Variants in MKX observed in about 807,000 individuals in gnomAD.
MKX encodes mohawk homeobox, also known as homeobox protein Mohawk.
A neutral mutation model predicts 36.0 loss-of-function variants in MKX; 13 were observed. That is an observed-to-expected ratio of 0.36 (90% confidence interval 0.24 to 0.57). The LOEUF is 0.57. Among genes scored for constraint, MKX ranks in the 20% least tolerant of loss-of-function variants. MKX has a pLI of 0.79. For missense variants in MKX, 458 were observed against 456.4 expected, an observed-to-expected ratio of 1.00 and a Z score of -0.03; for synonymous variants, 176 against 178.3, an observed-to-expected ratio of 0.99 and a Z score of 0.10.
intron 5 of MKX, among the ~76,000 whole-genome samples, chr10:27,722,489 C>T (rs904531031): frequency 1.3e-5 from 2 of 152,232 alleles, no homozygotes; most frequent in African/African-American, 4.8e-5. Context: ...CTTCGTTTTA[C>T]AGCTAAAGGA....
chr10:27,699,590 T>A (rs1836616730), intron 5 of MKX, among the ~76,000 whole-genome samples: 2 of 152,162 alleles, frequency 1.3e-5, no homozygotes, highest in South Asian at 4.1e-4. Context: ...GACAAAAAAT[T>A]GTTTTTAAAA....
chr10:27,685,471 C>T (rs1438872311), intron 5 of MKX, among the ~76,000 whole-genome samples: 6 of 128,558 alleles, frequency 4.7e-5, no homozygotes, highest in South Asian at 5.0e-4. Flanking sequence ...TTTTTTGAGA[C>T]GGAGTCCCGC....
intron 5 of MKX, among the ~76,000 whole-genome samples, chr10:27,732,188 A>T (rs923240520): frequency 1.8e-4 from 27 of 152,196 alleles, no homozygotes; most frequent in East Asian, 7.7e-4. Flanking sequence ...CATTTTTTTT[A>T]AAATTGATAC....
At chr10:27,691,470 T>C (rs932636556) in intron 5 of MKX, among the ~76,000 whole-genome samples, 3 of 152,162 alleles carry the variant, frequency 2.0e-5, no homozygotes, top group Admixed American at 2.0e-4. Flanking sequence ...AATATATATA[T>C]ATTATTGGAT....
chr10:27,738,470 T>C (rs1834825187), intron 3 of MKX, among the ~76,000 whole-genome samples: 1 of 152,032 alleles, frequency 6.6e-6, no homozygotes, highest in African/African-American at 2.4e-5. Flanking sequence ...CAGGTCTCCT[T>C]AACCAAGGAT....
chr10:27,729,634 C>T (rs568101006), intron 5 of MKX, among the ~76,000 whole-genome samples: 2 of 152,170 alleles, frequency 1.3e-5, no homozygotes, highest in Admixed American at 1.3e-4. Context: ...AACTGATCAT[C>T]TGTGATCTGT....
intron 5 of MKX, among the ~76,000 whole-genome samples, chr10:27,683,722 G>A (rs1469602099): frequency 6.6e-6 from 1 of 152,196 alleles, no homozygotes; most frequent in Non-Finnish European, 1.5e-5. Context: ...AGAGCCTCTG[G>A]GGATACCAGA....
intron 5 of MKX, among the ~76,000 whole-genome samples, chr10:27,709,855 C>G (rs1836822452): frequency 6.6e-6 from 1 of 152,082 alleles, no homozygotes; most frequent in Admixed American, 6.5e-5. Flanking sequence ...CCACATAAGT[C>G]ATTTAACATG....
chr10:27,735,205 A>G lies in MKX; in HGVS notation c.502+16T>C. ...AGAGGCAAAACAAAGAAAGCAAAAT[A>G]AAAATATTAACAAACCTTCAGAACA... On this transcript the variant is annotated intron_variant, in intron 4 of 6. Coordinates refer to ENST00000419761, the MANE Select transcript of MKX (RefSeq NM_173576.3). 1.3e-6 allele frequency: 2 copies of G among 1,528,426 alleles called. No homozygotes were observed. Among genetic ancestry groups the G allele is most frequent in the Non-Finnish European group, 1.8e-6 (2 of 1,139,042 alleles). 94.7% of individuals were successfully genotyped at this position (1,528,426 alleles called of 1,614,324 possible).
intron 5 of MKX, among the ~76,000 whole-genome samples, chr10:27,713,443 C>T (rs529306985): frequency 3.3e-5 from 5 of 152,198 alleles, no homozygotes; most frequent in African/African-American, 1.2e-4. Flanking sequence ...GAGTTCTATT[C>T]CGTAAATGAT....
chr10:27,724,300 C>A (rs1834440248), intron 5 of MKX, among the ~76,000 whole-genome samples: 1 of 152,114 alleles, frequency 6.6e-6, no homozygotes, highest in Admixed American at 6.5e-5. Context: ...GCAGTTTTTA[C>A]CCCTATCTGC....
intron 5 of MKX, among the ~76,000 whole-genome samples, chr10:27,731,289 A>G (rs1816610909): frequency 6.6e-6 from 1 of 152,192 alleles, no homozygotes; most frequent in South Asian, 2.1e-4. Context: ...AGACTTAGAA[A>G]ATTTCTATTT....
intron 5 of MKX, among the ~76,000 whole-genome samples, chr10:27,714,390 T>C (rs547952279): frequency 6.6e-6 from 1 of 152,356 alleles, no homozygotes; most frequent in African/African-American, 2.4e-5. Flanking sequence ...TAAAGGAATG[T>C]CATTGAGTCC....
At chr10:27,684,149 A>G (rs1456530010) in intron 5 of MKX, among the ~76,000 whole-genome samples, 1 of 151,792 alleles carries the variant, frequency 6.6e-6, no homozygotes, top group Non-Finnish European at 1.5e-5. Flanking sequence ...CTCCGTGTCT[A>G]TTAAAAATTT....
chr10:27,719,912 C>T (rs1186506228), intron 5 of MKX, among the ~76,000 whole-genome samples: 1 of 150,572 alleles, frequency 6.6e-6, no homozygotes, highest in African/African-American at 2.5e-5. Flanking sequence ...TTGTTTGAGC[C>T]CAGGAGTTTG....
intron 5 of MKX, among the ~76,000 whole-genome samples, chr10:27,687,616 T>C (rs1836380785): frequency 1.3e-5 from 2 of 152,172 alleles, no homozygotes; most frequent in African/African-American, 4.8e-5. Context: ...GACTTGCAAC[T>C]TAAAAGTAGC....
chr10:27,717,245 C>G (rs919436950), intron 5 of MKX, among the ~76,000 whole-genome samples: 4 of 152,128 alleles, frequency 2.6e-5, no homozygotes, highest in African/African-American at 7.2e-5. Flanking sequence ...GAGAACCTAG[C>G]TATGCCATGC....
chr10:27,736,416 C>A (rs1373638318), intron 3 of MKX, among the ~76,000 whole-genome samples: 1 of 151,904 alleles, frequency 6.6e-6, no homozygotes, highest in Non-Finnish European at 1.5e-5. Flanking sequence ...GGATTTGATA[C>A]TTGAAATTTC....
At chr10:27,726,821 C>T (rs1834500883) in intron 5 of MKX, among the ~76,000 whole-genome samples, 1 of 151,612 alleles carries the variant, frequency 6.6e-6, no homozygotes. Context: ...CACAGATCAA[C>T]ATATACTTAA....
Sources: allele counts gnomAD v4.1 joint callset (sites outside exome capture counted in the v4.1 genomes callset), GRCh38; gene constraint gnomAD v4.1.1; transcripts MANE v1.5; gene names NCBI Gene and HGNC (gene_info 2026-07-23, HGNC 2026-07-21).